REDIC1: variants seen among roughly 807,000 people sequenced by gnomAD.
The protein encoded by REDIC1 is HEI10 Interacting Protein 1.
the REDIC1 span, among the ~76,000 whole-genome samples, chr12:39,728,780 C>CTTTTTTTTTT: frequency 4.3e-5 from 4 of 92,174 alleles, no homozygotes; most frequent in East Asian, 3.5e-4. Flanking sequence ...TGGTCCTGGG[C>CTTTTTTTTTT]TTTTTTTTTT....
At chr12:39,802,994 G>C in the REDIC1 span, among the ~76,000 whole-genome samples, 1 of 152,246 alleles carries the variant, frequency 6.6e-6, no homozygotes, top group Middle Eastern at 3.4e-3. Context: ...CTCACTAGAG[G>C]TATCTTCCAT....
the REDIC1 span, among the ~76,000 whole-genome samples, chr12:39,712,065 T>TATATATACATAC: frequency 2.0e-3 from 56 of 27,704 alleles, no homozygotes; most frequent in African/African-American, 4.4e-3. Flanking sequence ...TATATACATG[T>TATATATACATAC]ATATATACCG....
At chr12:39,799,631 A>G in the REDIC1 span, among the ~76,000 whole-genome samples, 1 of 152,230 alleles carries the variant, frequency 6.6e-6, no homozygotes, top group Non-Finnish European at 1.5e-5. Context: ...GGTCAAAAAG[A>G]TTGGAAAAAT....
At chr12:39,800,924 T>G in the REDIC1 span, among the ~76,000 whole-genome samples, 95 of 7,198 alleles carry the variant, frequency 0.013, 1 homozygote, top group African/African-American at 0.032. Flanking sequence ...CCATAAAAAA[T>G]GATGAGTTCA....
the REDIC1 span, among the ~76,000 whole-genome samples, chr12:39,662,615 C>G: frequency 6.6e-6 from 1 of 151,934 alleles, no homozygotes; most frequent in Non-Finnish European, 1.5e-5. Flanking sequence ...GTTTGGATGC[C>G]TTTTGTTTCT....
the REDIC1 span, among the ~76,000 whole-genome samples, chr12:39,732,408 T>C: frequency 6.6e-6 from 1 of 152,192 alleles, no homozygotes. Flanking sequence ...TGTGTGTTTT[T>C]TCATTAGGAG....
chr12:39,701,190 C>G, the REDIC1 span, among the ~76,000 whole-genome samples: 3 of 152,024 alleles, frequency 2.0e-5, no homozygotes, highest in Admixed American at 2.0e-4. Context: ...TTCAGGAATC[C>G]CATACCACGT....
chr12:39,878,074 G>A, the REDIC1 span, among the ~76,000 whole-genome samples: 2 of 152,126 alleles, frequency 1.3e-5, no homozygotes, highest in Non-Finnish European at 2.9e-5. Context: ...GGCTTCCTAA[G>A]GCCTCCCAAG....
the REDIC1 span, among the ~76,000 whole-genome samples, chr12:39,630,515 G>A: frequency 1.3e-5 from 2 of 152,158 alleles, no homozygotes; most frequent in Non-Finnish European, 2.9e-5. Context: ...TGTGCCAGGT[G>A]TAAGTACAAA....
the REDIC1 span, among the ~76,000 whole-genome samples, chr12:39,816,583 T>TA: frequency 2.2e-3 from 287 of 129,124 alleles, 5 homozygotes; most frequent in East Asian, 0.032. Flanking sequence ...TAAAGTATAA[T>TA]AAAAAAAAAG....
At chr12:39,686,764 G>A in the REDIC1 span, among the ~76,000 whole-genome samples, 3 of 152,028 alleles carry the variant, frequency 2.0e-5, 1 homozygote, top group South Asian at 6.2e-4. Flanking sequence ...AAACTTTTAT[G>A]CTCTGCTTCT....
the REDIC1 span, among the ~76,000 whole-genome samples, chr12:39,898,868 C>T: frequency 6.6e-6 from 1 of 152,126 alleles, no homozygotes; most frequent in East Asian, 1.9e-4. Context: ...GCATGTTCTT[C>T]ACCCTTGTAT....
chr12:39,820,984 T>C, the REDIC1 span, among the ~76,000 whole-genome samples: 2,928 of 151,918 alleles, frequency 0.019, 50 homozygotes, highest in South Asian at 0.03. Context: ...TACTGCAGTG[T>C]TCCCCAAACT....
the REDIC1 span, among the ~76,000 whole-genome samples, chr12:39,853,251 C>G: frequency 6.6e-6 from 1 of 152,054 alleles, no homozygotes; most frequent in Admixed American, 6.6e-5. Context: ...GCTTGATATC[C>G]TTTGTGGAAA....
At chr12:39,721,200 A>G in the REDIC1 span, 1 of 1,613,552 alleles carries the variant, frequency 6.2e-7, no homozygotes, top group Non-Finnish European at 8.5e-7. Context: ...GGTGCAGTGG[A>G]AATATTAAGG....
the REDIC1 span, among the ~76,000 whole-genome samples, chr12:39,779,766 G>A: frequency 9.9e-5 from 15 of 152,188 alleles, no homozygotes; most frequent in Non-Finnish European, 1.6e-4. Flanking sequence ...TTTACCATAA[G>A]CATTGAAAAA....
the REDIC1 span, chr12:39,692,029 A>T: frequency 6.4e-7 from 1 of 1,551,000 alleles, no homozygotes; most frequent in Non-Finnish European, 8.8e-7. Flanking sequence ...GGAATTGTTA[A>T]CATTTTGGTT....
the REDIC1 span, among the ~76,000 whole-genome samples, chr12:39,693,458 T>G: frequency 6.6e-6 from 1 of 151,906 alleles, no homozygotes; most frequent in African/African-American, 2.4e-5. Context: ...TTCCAGTCCA[T>G]TTTTAAAAAA....
At chr12:39,794,821 A>G in the REDIC1 span, among the ~76,000 whole-genome samples, 1 of 152,180 alleles carries the variant, frequency 6.6e-6, no homozygotes, top group African/African-American at 2.4e-5. Flanking sequence ...TAATTTGTCT[A>G]AGGTTTTTAA....
Sources: allele counts gnomAD v4.1 joint callset (sites outside exome capture counted in the v4.1 genomes callset), GRCh38; gene constraint gnomAD v4.1.1; transcripts MANE v1.5; gene names NCBI Gene and HGNC (gene_info 2026-07-23, HGNC 2026-07-21).